The following DLC1 variants were observed in gnomAD, a reference collection of about 807,000 sequenced individuals.
DLC1 encodes the protein DLC1 Rho GTPase activating protein.
DLC1 carries 54 observed loss-of-function variants against 140.3 expected under a neutral mutation model. The ratio of observed to expected loss-of-function variants is 0.38; its 90% CI spans 0.31 to 0.48. The LOEUF is 0.48. Ranked by LOEUF, DLC1 falls within the 20% of genes least tolerant of loss-of-function variation. The pLI is 0.96. For missense variants in DLC1, 2,536 were observed against 1,907.0 expected (o/e 1.33, Z -6.14); for synonymous variants, 986 against 728.1 (o/e 1.35, Z -5.70).
intron 4 of DLC1, among the ~76,000 whole-genome samples, chr8:13,378,235 C>G (rs1836088650): frequency 6.7e-6 from 1 of 149,144 alleles, no homozygotes; most frequent in African/African-American, 2.5e-5. Context: ...GTAAGATGTC[C>G]TAATTCCAGA....
upstream of DLC1, among the ~76,000 whole-genome samples, chr8:13,516,481 T>C (rs759678002): frequency 2.0e-5 from 3 of 152,178 alleles, no homozygotes; most frequent in Non-Finnish European, 4.4e-5. Flanking sequence ...CTACTATTTT[T>C]TTCCTTATTA....
At chr8:13,498,687 ACTTT>A (rs1383522106) in intron 2 of DLC1, among the ~76,000 whole-genome samples, 3 of 152,176 alleles carry the variant, frequency 2.0e-5, no homozygotes, top group Non-Finnish European at 4.4e-5. Context: ...CAGTACCATG[ACTTT>A]CTTTATAAGA....
intron 1 of DLC1, among the ~76,000 whole-genome samples, chr8:13,551,292 C>T (rs375124922): frequency 7.9e-5 from 12 of 152,126 alleles, no homozygotes; most frequent in African/African-American, 2.9e-4. Flanking sequence ...TCACAGTCTT[C>T]AGTATGTGCA....
chr8:13,343,689 A>G (rs558100088), intron 4 of DLC1, among the ~76,000 whole-genome samples: 3 of 152,252 alleles, frequency 2.0e-5, no homozygotes, highest in South Asian at 4.1e-4. Flanking sequence ...TTTAAGTCAT[A>G]TTTTATTCCA....
chr8:13,592,939 C>T (rs1483421570), intron 1 of DLC1, among the ~76,000 whole-genome samples: 1 of 152,124 alleles, frequency 6.6e-6, no homozygotes, highest in East Asian at 1.9e-4. Flanking sequence ...CAAACAGGGT[C>T]ACACCCTTAT....
chr8:13,537,148 A>G (rs1311732457), intron 1 of DLC1, among the ~76,000 whole-genome samples: 2 of 152,204 alleles, frequency 1.3e-5, no homozygotes, highest in South Asian at 2.1e-4. Flanking sequence ...CTAGTCTGCT[A>G]TTATATTAGC....
intron 7 of DLC1, among the ~76,000 whole-genome samples, chr8:13,103,220 A>G (rs916709783): frequency 1.3e-4 from 20 of 152,014 alleles, no homozygotes; most frequent in African/African-American, 4.1e-4. Context: ...CTGAGGCAGG[A>G]GAATGGCGTG....
chr8:13,104,552 C>G (rs899677780), intron 7 of DLC1, among the ~76,000 whole-genome samples: 2 of 152,198 alleles, frequency 1.3e-5, no homozygotes, highest in Admixed American at 1.3e-4. Context: ...CATCTGCTAT[C>G]ACCAGTTTTC....
At chr8:13,276,182 T>G in intron 5 of DLC1, 1 of 1,507,778 alleles carries the variant, frequency 6.6e-7, no homozygotes. Flanking sequence ...TGAACCAAGC[T>G]TATCACTGCG....
chr8:13,271,528 C>T (rs182774268), intron 5 of DLC1, among the ~76,000 whole-genome samples: 10 of 152,256 alleles, frequency 6.6e-5, no homozygotes, highest in East Asian at 5.8e-4. Flanking sequence ...CTGAACACTC[C>T]GCAAAATACC....
intron 5 of DLC1, among the ~76,000 whole-genome samples, chr8:13,195,954 A>G (rs1021929997): frequency 6.6e-6 from 1 of 152,188 alleles, no homozygotes; most frequent in African/African-American, 2.4e-5. Flanking sequence ...CCATTTAACA[A>G]AATAAAGGAT....
intron 2 of DLC1, among the ~76,000 whole-genome samples, chr8:13,413,339 T>C (rs1028373491): frequency 6.9e-6 from 1 of 145,450 alleles, no homozygotes; most frequent in African/African-American, 2.5e-5. Context: ...ATTCTTCTTC[T>C]TCCAATGTGG....
At chr8:13,268,141 A>G (rs548853074) in intron 5 of DLC1, among the ~76,000 whole-genome samples, 27 of 152,322 alleles carry the variant, frequency 1.8e-4, no homozygotes, top group African/African-American at 5.5e-4. Flanking sequence ...AGATCACTCT[A>G]TCTTAAATAG....
Position 13,132,205 on chromosome 8 carries a change from CTGTGTGTGTGTG to C in DLC1, c.1349-16560_1349-16549del, listed in dbSNP as rs147699066. 6.8e-4 allele frequency among the ~76,000 whole-genome samples: 95 copies of C among 139,206 alleles called. No individual in the cohort carries two copies. In the East Asian group the frequency reaches 0.012, roughly 18 times the overall value. The allele number at this position is 139,206 out of a possible 152,430, so 91.3% of individuals were successfully genotyped here. The stretch of plus-strand genomic sequence containing the variant: ...CCCATCTCCGGGAAAAAAACCAAAA[CTGTGTGTGTGTG>C]TGTGTGTGTGTGTGTGTGTGTGTGT... On this transcript the variant is annotated intron_variant, in intron 5 of 17. Coordinates refer to ENST00000276297, the MANE Select transcript of DLC1 (RefSeq NM_182643.3).
intron 2 of DLC1, among the ~76,000 whole-genome samples, chr8:13,422,118 A>G (rs1369643086): frequency 2.0e-5 from 3 of 152,168 alleles, no homozygotes; most frequent in Non-Finnish European, 2.9e-5. Context: ...AAAAATATTA[A>G]ACAGACTTTT....
In DLC1 at chr8:13,222,389, T is replaced by C. The variant is rs78618848; in HGVS notation, c.1348+82880A>G. On this transcript the variant is annotated intron_variant, in intron 5 of 17. Transcript: ENST00000276297. ...AAAGTGTTTGAGACATTACATTCCA[T>C]GTCAGTATTTCATTGATTATACTGA... Among the ~76,000 whole-genome samples, 249 of 152,310 alleles carry C rather than the reference T, an allele frequency of 1.6e-3. 7 individuals are homozygous for C. In the East Asian group the frequency reaches 0.045, roughly 27 times the overall value.
At chr8:13,264,822 T>C (rs1322496725) in intron 5 of DLC1, among the ~76,000 whole-genome samples, 2 of 152,168 alleles carry the variant, frequency 1.3e-5, no homozygotes, top group Admixed American at 6.5e-5. Flanking sequence ...CCAAATGATA[T>C]TGAAACAAAA....
At chr8:13,343,599 T>C (rs1586171280) in intron 4 of DLC1, among the ~76,000 whole-genome samples, 1 of 152,194 alleles carries the variant, frequency 6.6e-6, no homozygotes, top group African/African-American at 2.4e-5. Flanking sequence ...GTTATCCCCA[T>C]TTTGTCCATA....
intron 5 of DLC1, among the ~76,000 whole-genome samples, chr8:13,215,700 A>G (rs1427412538): frequency 6.6e-6 from 1 of 152,238 alleles, no homozygotes; most frequent in Non-Finnish European, 1.5e-5. Flanking sequence ...ATTGAAGGTG[A>G]GACATATTCA....
Sources: gnomAD v4.1 joint callset for allele counts (sites outside exome capture counted in the v4.1 genomes callset) on GRCh38, gnomAD v4.1.1 for gene constraint, MANE v1.5 for transcripts, NCBI Gene and HGNC (gene_info 2026-07-23, HGNC 2026-07-21) for gene names.